The following TMEM209 variants were observed in gnomAD, a reference collection of about 807,000 sequenced individuals.
The protein encoded by TMEM209 is transmembrane protein 209, also known as testicular tissue protein Li 202.
Under a neutral mutation model 76.2 loss-of-function variants are expected in TMEM209, and 65 were observed. The ratio of observed to expected loss-of-function variants is 0.85; its 90% CI spans 0.70 to 1.05. TMEM209 has a LOEUF of 1.05. Among genes scored for constraint, TMEM209 ranks in the 50% least tolerant of loss-of-function variants. TMEM209 has a pLI of 0.00. For synonymous variants in TMEM209, 239 were observed against 237.6 expected, an observed-to-expected ratio of 1.01 and a Z score of -0.06; for missense variants, 623 against 685.5, an observed-to-expected ratio of 0.91 and a Z score of 1.02.
At position 130,184,181 on chromosome 7, in the gene TMEM209, T is replaced by C; in HGVS notation, c.1023+3A>G. The C allele has an allele frequency of 6.3e-7, 1 of 1,598,556 alleles. No individual in the cohort carries two copies. Among genetic ancestry groups the C allele is most frequent in the Non-Finnish European group, 8.5e-7 (1 of 1,171,264 alleles). On this transcript the variant is annotated splice_donor_region_variant and intron_variant, in intron 8 of 14. Transcript: ENST00000397622. ...TTGTCCAAAGAGTAATGTCAGAACT[T>C]ACATTTCTAAATTTAGCTGTCCATG...
intron 5 of TMEM209, among the ~76,000 whole-genome samples, chr7:130,196,546 A>G (rs984360988): frequency 2.0e-5 from 3 of 152,146 alleles, no homozygotes; most frequent in African/African-American, 4.8e-5. Flanking sequence ...CCCCAAATTC[A>G]TATGTTGAAG....
rs183016751 is a variant in TMEM209 at position 130,187,190 on chromosome 7, C to T, written c.776-1823G>A. 6.6e-5 allele frequency among the ~76,000 whole-genome samples: 10 copies of T among 151,806 alleles called. No homozygotes were observed. The East Asian group carries it at 1.9e-3, about 29-fold the overall frequency. The stretch of plus-strand genomic sequence containing the variant: ...CCCGGGAAGCGGAGGTTTCAGTGAG[C>T]CGAGATCACCCCACTGCACTCCAGC... On this transcript the variant is annotated intron_variant, in intron 6 of 14. Coordinates refer to ENST00000397622, the MANE Select transcript of TMEM209 (RefSeq NM_032842.4).
At position 130,170,452 on chromosome 7, in the gene TMEM209, T is replaced by C. The variant is rs1413236811; in HGVS notation, c.1579A>G (p.Thr527Ala). ...LPKGRNNMFH[T>A]LLMFLYIIKT... is the part of the protein sequence containing the mutation. ...ATGATGTAGAGAAACATCAACAATG[T>C]ATGAAACATATTATTTCTGCCCTGG... The change falls in exon 14 of 15, where the codon ACA becomes GCA. Residue 527 changes from threonine (T) to alanine (A), a missense_variant. Transcript: ENST00000397622. The C allele has an allele frequency of 3.1e-6, 5 of 1,612,838 alleles. No individual in the cohort carries two copies. In the Admixed American group the frequency reaches 8.3e-5, roughly 27 times the overall value.
chr7:130,187,830 A>G (rs1044984699), intron 6 of TMEM209, among the ~76,000 whole-genome samples: 1 of 152,180 alleles, frequency 6.6e-6, no homozygotes, highest in African/African-American at 2.4e-5. Context: ...AGGCAAATAC[A>G]AAACAGCTAG....
chr7:130,166,331 G>C lies in TMEM209; in HGVS notation c.*120C>G, dbSNP rs955163031. Reference sequence around the variant, plus strand: ...AGCTACATTTTCTGTTAAATCTAAAGAGTCTGTAACATACACCCATGTGTA... The same window carrying C: ...AGCTACATTTTCTGTTAAATCTAAACAGTCTGTAACATACACCCATGTGTA... On this transcript the variant is annotated 3_prime_UTR_variant, in exon 15 of 15. Transcript: ENST00000397622. 1 of 615,644 alleles carries C rather than the reference G, an allele frequency of 1.6e-6. No homozygotes were observed. Among genetic ancestry groups the C allele is most frequent in the Non-Finnish European group, 2.5e-6 (1 of 394,522 alleles). 38.1% of individuals were successfully genotyped at this position (615,644 alleles called of 1,614,324 possible).
chr7:130,188,641 C>T (rs1444283472), intron 6 of TMEM209, among the ~76,000 whole-genome samples: 1 of 145,374 alleles, frequency 6.9e-6, no homozygotes, highest in Non-Finnish European at 1.5e-5. Flanking sequence ...ACTTTATAAT[C>T]ACCACTTTAT....
At chr7:130,181,923 G>T in intron 8 of TMEM209, 4 of 431,306 alleles carry the variant, frequency 9.3e-6, no homozygotes, top group African/African-American at 2.0e-5. Context: ...CCACTGGAGT[G>T]TAAATTAACT....
chr7:130,184,165 G>T lies in TMEM209; in HGVS notation c.1023+19C>A. 1.3e-6 allele frequency: 2 copies of T among 1,564,920 alleles called. No individual in the cohort carries two copies. Among genetic ancestry groups the T allele is most frequent in the South Asian group, 1.2e-5 (1 of 84,966 alleles). ...TTAAGAGGCACTAATATTGTCCAAA[G>T]AGTAATGTCAGAACTTACATTTCTA... is the stretch of plus-strand genomic sequence containing the variant. On this transcript the variant is annotated intron_variant, in intron 8 of 14. Transcript: ENST00000397622.
Position 130,165,793 on chromosome 7 carries a change from C to G in TMEM209, c.*658G>C, listed in dbSNP as rs187989495. 2 of 151,578 alleles carry G rather than the reference C, an allele frequency of 1.3e-5. No individual in the cohort carries two copies. Among genetic ancestry groups the G allele is most frequent in the Non-Finnish European group, 2.9e-5 (2 of 68,002 alleles). The allele number at this position is 151,578 out of a possible 1,614,324, so 9.4% of individuals were successfully genotyped here. On this transcript the variant is annotated 3_prime_UTR_variant, in exon 15 of 15. Coordinates refer to ENST00000397622, the MANE Select transcript of TMEM209 (RefSeq NM_032842.4). The stretch of plus-strand genomic sequence containing the variant: ...ATAACTGAGGCTGGGCGCAGTGGCT[C>G]GCACCTATAATCCCAGCACTTTGGG...
chr7:130,171,882 A>G (rs768176313), intron 13 of TMEM209, among the ~76,000 whole-genome samples: 13 of 152,110 alleles, frequency 8.5e-5, no homozygotes, highest in South Asian at 2.1e-4. Flanking sequence ...ATACAAAAAA[A>G]ATTAGCCAAG....
chr7:130,186,375 G>A lies in TMEM209; in HGVS notation c.776-1008C>T, dbSNP rs564154001. Among the ~76,000 whole-genome samples the A allele has an allele frequency of 5.4e-4, 82 of 152,200 alleles. 3 individuals are homozygous for A. In the South Asian group the frequency reaches 0.016, roughly 30 times the overall value. On this transcript the variant is annotated intron_variant, in intron 6 of 14. Transcript: ENST00000397622. Reference sequence around the variant, plus strand: ...TTGATGGTTAGCTAGTTTTGTTAGCGTTGGTGAATGTTTCATGCTGGCATA... The same window carrying A: ...TTGATGGTTAGCTAGTTTTGTTAGCATTGGTGAATGTTTCATGCTGGCATA...
rs554609122 is a variant in TMEM209 at position 130,198,547 on chromosome 7, G to A, written c.573+3303C>T. Among the ~76,000 whole-genome samples the A allele has an allele frequency of 9.2e-5, 14 of 151,760 alleles. No homozygotes were observed. In the South Asian group the frequency reaches 2.9e-3, roughly 32 times the overall value. On this transcript the variant is annotated intron_variant, in intron 5 of 14. Transcript: ENST00000397622. ...AATCCCTTCAACCCGGGAGGCAGAC[G>A]CTGCAGTGAGCCGAGATCACACCAC... is the stretch of plus-strand genomic sequence containing the variant.
chr7:130,204,921 G>C, intron 1 of TMEM209: 1 of 1,050,394 alleles, frequency 9.5e-7, no homozygotes, highest in Non-Finnish European at 1.2e-6. Context: ...TCTCCCTTTT[G>C]TGTGTGGATA....
Position 130,203,849 on chromosome 7 carries a change from G to C in TMEM209, c.141-3C>G. 6.3e-7 allele frequency: 1 copy of C among 1,593,530 alleles called. No individual in the cohort carries two copies. Reference sequence around the variant, plus strand: ...ATGAACTAATCAATTTTCCAGTCCTGAAAAAAAATTAGAAAGGCTTTCCAG... The same window carrying C: ...ATGAACTAATCAATTTTCCAGTCCTCAAAAAAAATTAGAAAGGCTTTCCAG... On this transcript the variant is annotated splice_region_variant and splice_polypyrimidine_tract_variant and intron_variant, in intron 2 of 14. Coordinates refer to ENST00000397622, the MANE Select transcript of TMEM209 (RefSeq NM_032842.4).
At chr7:130,180,290 A>G (rs1460663061) in intron 9 of TMEM209, among the ~76,000 whole-genome samples, 1 of 152,172 alleles carries the variant, frequency 6.6e-6, no homozygotes, top group Non-Finnish European at 1.5e-5. Context: ...GCTTATATCT[A>G]GAATATATAA....
Position 130,166,415 on chromosome 7 carries a change from A to C in TMEM209, c.*36T>G, listed in dbSNP as rs1796883801. The C allele has an allele frequency of 6.6e-7, 1 of 1,513,740 alleles. No individual in the cohort carries two copies. The highest frequency in any genetic ancestry group is 8.9e-7 in the Non-Finnish European group (1 of 1,127,354). 93.8% of individuals were successfully genotyped at this position (1,513,740 alleles called of 1,614,324 possible). Reference sequence around the variant, plus strand: ...TTTAGTTTCGACTTCTGGTTCAGTGAAATAGTCTAAATGTCAGAATTAAAT... The same window carrying C: ...TTTAGTTTCGACTTCTGGTTCAGTGCAATAGTCTAAATGTCAGAATTAAAT... On this transcript the variant is annotated 3_prime_UTR_variant, in exon 15 of 15. Coordinates refer to ENST00000397622, the MANE Select transcript of TMEM209 (RefSeq NM_032842.4).
chr7:130,184,259 TA>T lies in TMEM209; in HGVS notation c.952-5del. 1 of 1,592,052 alleles carries T rather than the reference TA, an allele frequency of 6.3e-7. No individual in the cohort carries two copies. The highest frequency in any genetic ancestry group is 1.2e-5 in the South Asian group (1 of 86,648). On this transcript the variant is annotated splice_region_variant and splice_polypyrimidine_tract_variant and intron_variant, in intron 7 of 14. Coordinates refer to ENST00000397622, the MANE Select transcript of TMEM209 (RefSeq NM_032842.4). ...TCATAGCCACTCTTGCCCAGACCTA[TA>T]AAAATTCATGTTTAAAATGAACAAT...
chr7:130,205,108 G>A (rs369043143), intron 1 of TMEM209: 2 of 1,413,486 alleles, frequency 1.4e-6, no homozygotes, highest in Non-Finnish European at 1.8e-6. Context: ...CCAGCGACAA[G>A]CAGTCGTATC....
Position 130,170,459 on chromosome 7 carries a change from CAT to C in TMEM209, c.1570_1571del (p.Met524ValfsTer23), listed in dbSNP as rs778824190. On this transcript the variant is annotated frameshift_variant, in exon 14 of 15. Transcript: ENST00000397622. LOFTEE classifies it high-confidence loss of function. ...AGAGAAACATCAACAATGTATGAAACATATTATTTCTGCCCTGGAACAAAGAC... is the reference window on the plus strand; with the variant it reads ...AGAGAAACATCAACAATGTATGAAACATTATTTCTGCCCTGGAACAAAGAC... The part of the protein sequence containing the change: ...VYNLPKGRNN[M>X]FHTLLMFLYI... 5.0e-6 allele frequency: 8 copies of C among 1,611,896 alleles called. No homozygotes were observed. Among genetic ancestry groups the C allele is most frequent in the Admixed American group, 1.7e-5 (1 of 59,682 alleles).
Sources: allele counts gnomAD v4.1 joint callset (sites outside exome capture counted in the v4.1 genomes callset), GRCh38; gene constraint gnomAD v4.1.1; transcripts MANE v1.5; gene names NCBI Gene and HGNC (gene_info 2026-07-23, HGNC 2026-07-21).